The following MAPK4 variants were observed in gnomAD, a reference collection of about 807,000 sequenced individuals.
MAPK4 encodes mitogen-activated protein kinase 4, also known as Erk3-related.
Under a neutral mutation model 47.7 loss-of-function variants are expected in MAPK4, and 22 were observed. The observed-to-expected ratio is 0.46, with a 90% CI of 0.33 to 0.66. The LOEUF (loss-of-function observed/expected upper bound fraction) is 0.66, where lower values mean the gene tolerates loss of function less well. Ranked by LOEUF, MAPK4 falls within the 30% of genes least tolerant of loss-of-function variation. The probability of loss-of-function intolerance (pLI) is 0.02; values close to 1 mark genes in which losing one functional copy is unlikely to be tolerated. For synonymous variants in MAPK4, 390 were observed against 365.7 expected (o/e 1.07, Z -0.76); for missense variants, 736 against 831.7 (o/e 0.88, Z 1.42).
chr18:50,684,420 C>A (rs1440777255), intron 2 of MAPK4, among the ~76,000 whole-genome samples: 1 of 151,840 alleles, frequency 6.6e-6, no homozygotes, highest in Non-Finnish European at 1.5e-5. Flanking sequence ...GTGGCGTGCA[C>A]CTGTAGTCCC....
intron 3 of MAPK4, among the ~76,000 whole-genome samples, chr18:50,717,913 T>C (rs1418014323): frequency 6.6e-6 from 1 of 152,164 alleles, no homozygotes; most frequent in Non-Finnish European, 1.5e-5. Context: ...TCATCTGCTG[T>C]GTGCACAGAA....
At position 50,708,454 on chromosome 18, in the gene MAPK4, C is replaced by T. The variant is rs192367310; in HGVS notation, c.547-6625C>T. ...TAGGGCAGGCCAGTATCATAAAGAC[C>T]ATCTAGGAACTTGCTGGTCCAAGTG... On this transcript the variant is annotated intron_variant, in intron 2 of 5. Transcript: ENST00000400384. Among the ~76,000 whole-genome samples, 11 of 152,292 alleles carry T rather than the reference C, an allele frequency of 7.2e-5. No individual in the cohort carries two copies. The East Asian group carries it at 1.9e-3, about 27-fold the overall frequency.
At chr18:50,640,508 C>T (rs1475988974) in intron 1 of MAPK4, among the ~76,000 whole-genome samples, 1 of 152,036 alleles carries the variant, frequency 6.6e-6, no homozygotes, top group Non-Finnish European at 1.5e-5. Context: ...GTCACCCAGG[C>T]TGGAGTGTGC....
chr18:50,723,516 C>G (rs1911036306), intron 4 of MAPK4, among the ~76,000 whole-genome samples: 1 of 152,142 alleles, frequency 6.6e-6, no homozygotes, highest in African/African-American at 2.4e-5. Flanking sequence ...CCACTGAAGG[C>G]AGAGGTAGGC....
At position 50,729,693 on chromosome 18, in the gene MAPK4, C is replaced by A. The variant is rs1459139621; in HGVS notation, c.1603C>A (p.Pro535Thr). 1.3e-6 allele frequency: 2 copies of A among 1,555,832 alleles called. No homozygotes were observed. Among genetic ancestry groups the A allele is most frequent in the African/African-American group, 1.4e-5 (1 of 73,394 alleles). The change falls in exon 6 of 6, where the codon CCC becomes ACC. Residue 535 changes from proline to threonine, a missense_variant. This residue lies in a region of MAPK4 where 377 missense variants were observed against 378.6 expected (regional missense o/e 1.00). Transcript: ENST00000400384. ...RPAPVDGGAS[P>T]QFDLDVFISR... ...GGCCCCGGTGGACGGCGGCGCCAGC[C>A]CCCAGTTCGACCTGGACGTGTTCAT... is the stretch of plus-strand genomic sequence containing the variant.
chr18:50,719,956 C>A (rs1243674051), intron 3 of MAPK4, among the ~76,000 whole-genome samples: 1 of 152,186 alleles, frequency 6.6e-6, no homozygotes, highest in African/African-American at 2.4e-5. Flanking sequence ...ACACCTTCCC[C>A]GGAAGTCCTT....
chr18:50,654,622 G>A (rs542600473), intron 1 of MAPK4, among the ~76,000 whole-genome samples: 13 of 152,360 alleles, frequency 8.5e-5, no homozygotes, highest in South Asian at 2.1e-4. Context: ...TGCAGGAGTC[G>A]TTTAAAATCA....
chr18:50,592,786 C>A (rs2042448923), intron 1 of MAPK4, among the ~76,000 whole-genome samples: 1 of 152,154 alleles, frequency 6.6e-6, no homozygotes, highest in South Asian at 2.1e-4. Context: ...AAAAAAGGAA[C>A]CTTAGGGGCT....
intron 1 of MAPK4, among the ~76,000 whole-genome samples, chr18:50,621,254 G>A (rs1347154899): frequency 6.6e-6 from 1 of 152,172 alleles, no homozygotes; most frequent in Non-Finnish European, 1.5e-5. Context: ...AAAGACAGAA[G>A]ATGCTTGGCC....
chr18:50,680,391 C>G (rs1391715415), intron 2 of MAPK4, among the ~76,000 whole-genome samples: 1 of 152,028 alleles, frequency 6.6e-6, no homozygotes, highest in East Asian at 1.9e-4. Flanking sequence ...CGCGCCTGGC[C>G]TAAACTCTTT....
chr18:50,692,174 G>A (rs1909254232), intron 2 of MAPK4, among the ~76,000 whole-genome samples: 2 of 152,158 alleles, frequency 1.3e-5, no homozygotes, highest in South Asian at 4.1e-4. Context: ...AGTGGTTTTT[G>A]AACAACCCTT....
At position 50,729,931 on chromosome 18, in the gene MAPK4, C is replaced by T; in HGVS notation, c.*77C>T. On this transcript the variant is annotated 3_prime_UTR_variant, in exon 6 of 6. Transcript: ENST00000400384. ...CCGGGGCTGGCAGGAGGCGGCCGCC[C>T]TTCCCGCCCCTCTCTGCTGCCTTGG... 7.2e-7 allele frequency: 1 copy of T among 1,395,530 alleles called. No homozygotes were observed. Among genetic ancestry groups the T allele is most frequent in the Non-Finnish European group, 9.6e-7 (1 of 1,045,826 alleles). The allele number at this position is 1,395,530 out of a possible 1,614,324, so 86.4% of individuals were successfully genotyped here.
At chr18:50,614,079 T>C (rs1263438275) in intron 1 of MAPK4, among the ~76,000 whole-genome samples, 1 of 152,216 alleles carries the variant, frequency 6.6e-6, no homozygotes, top group Non-Finnish European at 1.5e-5. Context: ...TTAAAGGTAA[T>C]AGAATTTATT....
chr18:50,714,301 A>T (rs1355270953), intron 2 of MAPK4, among the ~76,000 whole-genome samples: 1 of 152,178 alleles, frequency 6.6e-6, no homozygotes, highest in East Asian at 1.9e-4. Flanking sequence ...TATGTAGAAA[A>T]CAATTTCTAA....
intron 1 of MAPK4, among the ~76,000 whole-genome samples, chr18:50,577,878 G>T (rs1431859705): frequency 6.6e-6 from 1 of 152,172 alleles, no homozygotes; most frequent in African/African-American, 2.4e-5. Flanking sequence ...TATCTGCAGT[G>T]ATAGGAGTGG....
intron 2 of MAPK4, among the ~76,000 whole-genome samples, chr18:50,668,737 C>T (rs538582557): frequency 6.6e-6 from 1 of 152,324 alleles, no homozygotes; most frequent in Admixed American, 6.5e-5. Context: ...TAGAATAGAT[C>T]TGTAAAAAGA....
intron 2 of MAPK4, among the ~76,000 whole-genome samples, chr18:50,682,620 A>G (rs1908651826): frequency 6.6e-6 from 1 of 152,256 alleles, no homozygotes; most frequent in South Asian, 2.1e-4. Context: ...CCAGGAATGC[A>G]AATTTCATTT....
At chr18:50,644,612 C>T (rs1355305143) in intron 1 of MAPK4, among the ~76,000 whole-genome samples, 6 of 152,130 alleles carry the variant, frequency 3.9e-5, no homozygotes, top group African/African-American at 7.2e-5. Flanking sequence ...TTCCCCGCAT[C>T]GCCAAAATAG....
intron 2 of MAPK4, among the ~76,000 whole-genome samples, chr18:50,671,167 A>C (rs1297339542): frequency 6.6e-6 from 1 of 152,152 alleles, no homozygotes; most frequent in East Asian, 1.9e-4. Context: ...GACAGGGGTC[A>C]TGTGGATTGT....
Sources: gnomAD v4.1 joint callset for allele counts (sites outside exome capture counted in the v4.1 genomes callset) on GRCh38, gnomAD v4.1.1 for gene constraint, gnomAD v4.1.1 regional missense constraint, MANE v1.5 for transcripts, NCBI Gene and HGNC (gene_info 2026-07-23, HGNC 2026-07-21) for gene names.